Variants in SARNP observed in about 807,000 individuals in gnomAD.
SARNP encodes the protein SAP domain-containing ribonucleoprotein.
Under a neutral mutation model 38.1 loss-of-function variants are expected in SARNP, and 5 were observed. The ratio of observed to expected loss-of-function variants is 0.13; its 90% CI spans 0.07 to 0.28. The LOEUF is 0.28. Ranked by LOEUF, SARNP falls within the 10% of genes least tolerant of loss-of-function variation. The pLI is 1.00. For missense variants in SARNP, 180 were observed against 243.9 expected, an observed-to-expected ratio of 0.74 and a Z score of 1.75; for synonymous variants, 84 against 80.6, an observed-to-expected ratio of 1.04 and a Z score of -0.23.
At chr12:55,774,562 AAAAAAAAAAAAACAAAC>A (rs1879108876) in intron 9 of SARNP, among the ~76,000 whole-genome samples, 2 of 83,096 alleles carry the variant, frequency 2.4e-5, no homozygotes, top group African/African-American at 1.4e-4. Flanking sequence ...CTCTACTGAA[AAAAAAAAAAAAACAAAC>A]AAAAAAAAAA....
chr12:55,767,848 GAAAAA>G (rs767928003), intron 9 of SARNP, among the ~76,000 whole-genome samples: 1 of 35,394 alleles, frequency 2.8e-5, no homozygotes, highest in African/African-American at 9.7e-5. Context: ...CTCCCTCTCA[GAAAAA>G]AAAAAAAAAA....
chr12:55,811,657 T>A (rs757337756), intron 1 of SARNP, among the ~76,000 whole-genome samples: 5 of 152,216 alleles, frequency 3.3e-5, no homozygotes, highest in African/African-American at 7.2e-5. Context: ...TGTCTCTGAT[T>A]TATGCTCAAT....
At position 55,789,116 on chromosome 12, in the gene SARNP, C is replaced by A. The variant is rs1435984623; in HGVS notation, c.460G>T (p.Ala154Ser). 3 of 1,602,548 alleles carry A rather than the reference C, an allele frequency of 1.9e-6. No homozygotes were observed. Among genetic ancestry groups the A allele is most frequent in the Non-Finnish European group, 1.7e-6 (2 of 1,176,278 alleles). Residue 154 changes from alanine to serine, a missense_variant, in exon 9 of 11, where the codon GCT (alanine) becomes TCT (serine). Transcript: ENST00000336133. ...GAGACATTCAAACCAAATCTTTGAG[C>A]TCTTTCCTTCAGCTTATCCAAGTTA... Reference protein sequence around the residue: ...MVNLDKLKERAQRFGLNVSSI... With the variant: ...MVNLDKLKERSQRFGLNVSSI...
intron 4 of SARNP, 86 bp downstream of exon 4, chr12:55,800,476 G>A (rs1433083460): frequency 1.7e-5 from 17 of 977,674 alleles, no homozygotes; most frequent in Non-Finnish European, 2.6e-5. Context: ...ATGGGAACAT[G>A]TAAGAGGTAA....
chr12:55,756,224 G>A (rs1209332328), downstream of SARNP: 2 of 152,204 alleles, frequency 1.3e-5, no homozygotes, highest in African/African-American at 4.8e-5. Flanking sequence ...GGTTGAAGAG[G>A]TGTCAAAAAT....
intron 9 of SARNP, among the ~76,000 whole-genome samples, chr12:55,767,585 T>G (rs368468797): frequency 6.6e-6 from 1 of 151,662 alleles, no homozygotes; most frequent in Middle Eastern, 3.4e-3. Context: ...CAGTGGCTCA[T>G]GCCTGTAATC....
intron 9 of SARNP, among the ~76,000 whole-genome samples, chr12:55,778,858 C>A (rs1385117637): frequency 6.6e-6 from 1 of 152,160 alleles, no homozygotes; most frequent in Admixed American, 6.6e-5. Flanking sequence ...GTAATCCAAG[C>A]TATTCAGGAG....
At chr12:55,802,609 C>T (rs1002741105) in intron 2 of SARNP, among the ~76,000 whole-genome samples, 3 of 151,804 alleles carry the variant, frequency 2.0e-5, no homozygotes, top group South Asian at 2.1e-4. Context: ...TTGGATCTCA[C>T]CCCCAAGATA....
chr12:55,786,423 C>T (rs1281101108), intron 9 of SARNP, among the ~76,000 whole-genome samples: 2 of 147,812 alleles, frequency 1.4e-5, no homozygotes, highest in East Asian at 2.0e-4. Flanking sequence ...TGGCACAACA[C>T]AAGTGAGCTT....
intron 9 of SARNP, among the ~76,000 whole-genome samples, chr12:55,786,096 TCAAA>T (rs775136116): frequency 3.3e-5 from 5 of 152,080 alleles, no homozygotes; most frequent in Middle Eastern, 3.2e-3. Context: ...TGAAAAAAGG[TCAAA>T]CAAAGAGAAA....
chr12:55,758,732 G>T (rs566781085), intron 10 of SARNP, among the ~76,000 whole-genome samples: 16 of 152,068 alleles, frequency 1.1e-4, no homozygotes, highest in African/African-American at 3.9e-4. Context: ...GCTGTTTAAG[G>T]CCTTCCACCA....
intron 10 of SARNP, among the ~76,000 whole-genome samples, chr12:55,758,850 G>A (rs567488733): frequency 2.0e-5 from 3 of 150,990 alleles, no homozygotes; most frequent in African/African-American, 7.3e-5. Context: ...TTCTTCATAA[G>A]TTACCTAGTC....
intron 9 of SARNP, among the ~76,000 whole-genome samples, chr12:55,772,712 C>CTTTTT (rs11428581): frequency 7.7e-6 from 1 of 130,300 alleles, no homozygotes; most frequent in Non-Finnish European, 1.6e-5. Context: ...GAAGCTGAAA[C>CTTTTT]TTTTTTTTTT....
At chr12:55,794,957 TA>T (rs373511418) in intron 5 of SARNP, 77 bp from the exon 6 acceptor site, 4,092 of 145,042 alleles carry the variant, frequency 0.028, 6 homozygotes, top group South Asian at 0.079. Flanking sequence ...TAGGTATCTT[TA>T]AAAAAAAAAA....
In SARNP at chr12:55,794,810, G is replaced by C; in HGVS notation, c.374C>G (p.Ala125Gly). The change falls in exon 6 of 11, where the codon GCT becomes GGT. Residue 125 changes from alanine (A) to glycine (G), a missense_variant. Ala to Gly is a moderately conservative substitution (Grantham distance 60, BLOSUM62 0). Coordinates refer to ENST00000336133, the MANE Select transcript of SARNP (RefSeq NM_033082.4). ...SLESKKAARA[A>G]RFGISSVPTK... Reference sequence around the variant, plus strand: ...CCAAAAGGCTGGGGACACTCACCTAGCTGCCCGAGCAGCTTTCTTACTCTC... The same window carrying C: ...CCAAAAGGCTGGGGACACTCACCTACCTGCCCGAGCAGCTTTCTTACTCTC... The C allele has an allele frequency of 6.2e-7, 1 of 1,605,520 alleles. No individual in the cohort carries two copies. Among genetic ancestry groups the C allele is most frequent in the Non-Finnish European group, 8.5e-7 (1 of 1,172,592 alleles).
At chr12:55,803,755 C>T (rs1235066874) in intron 1 of SARNP, 27 bp from the exon 2 acceptor site, 1 of 1,524,958 alleles carries the variant, frequency 6.6e-7, no homozygotes, top group African/African-American at 1.4e-5. Context: ...AAAACTTTTC[C>T]TTAGTTAACA....
rs538305592 is a variant in SARNP at position 55,804,143 on chromosome 12, C to T, written c.37-415G>A. ...GCAGATTCTCCTTACCACTTATTAT[C>T]CCAGATCCGTTATTACAATCTACCA... On this transcript the variant is annotated intron_variant, in intron 1 of 10. Transcript: ENST00000336133. 1.1e-4 allele frequency among the ~76,000 whole-genome samples: 17 copies of T among 152,246 alleles called. No individual in the cohort carries two copies. In the East Asian group the frequency reaches 3.1e-3, roughly 28 times the overall value.
At chr12:55,765,413 T>C (rs545156870) in intron 9 of SARNP, among the ~76,000 whole-genome samples, 1 of 152,290 alleles carries the variant, frequency 6.6e-6, no homozygotes, top group South Asian at 2.1e-4. Context: ...AGCATGATCA[T>C]GGCTCACTGT....
At chr12:55,770,647 C>G (rs1305980296) in intron 9 of SARNP, among the ~76,000 whole-genome samples, 2 of 152,126 alleles carry the variant, frequency 1.3e-5, no homozygotes. Flanking sequence ...CAATTGGCAG[C>G]TGAATACCAC....
Sources: gnomAD v4.1 joint callset for allele counts (sites outside exome capture counted in the v4.1 genomes callset) on GRCh38, gnomAD v4.1.1 for gene constraint, MANE v1.5 for transcripts, NCBI Gene and HGNC (gene_info 2026-07-23, HGNC 2026-07-21) for gene names.